The following EIF4A1 variants were observed in gnomAD, a reference collection of about 807,000 sequenced individuals.
EIF4A1 encodes the protein eukaryotic translation initiation factor 4A1.
In EIF4A1, 11 loss-of-function variants were observed where a neutral mutation model predicts 53.5. The observed-to-expected ratio is 0.21, with a 90% CI of 0.13 to 0.34. EIF4A1 has a LOEUF of 0.34. Ranked by LOEUF, EIF4A1 falls within the 10% of genes least tolerant of loss-of-function variation. The pLI is 1.00. For missense variants in EIF4A1, 213 were observed against 530.8 expected (o/e 0.40, Z 5.88); for synonymous variants, 237 against 186.7 (o/e 1.27, Z -2.20).
At chr17:7,573,479 G>T (rs996282027) in intron 1 of EIF4A1, 3 of 155,020 alleles carry the variant, frequency 1.9e-5, no homozygotes, top group Non-Finnish European at 4.3e-5. Context: ...CCATTTTGCC[G>T]CACAAGCCGG....
chr17:7,574,451 T>G, intron 2 of EIF4A1, 95 bp from the exon 3 acceptor site: 1 of 1,601,526 alleles, frequency 6.2e-7, no homozygotes, highest in Non-Finnish European at 8.5e-7. Context: ...GCTCTGAGGC[T>G]TTTGTTAGTA....
chr17:7,573,949 G>T, intron 1 of EIF4A1: 1 of 386,278 alleles, frequency 2.6e-6, no homozygotes, highest in East Asian at 4.8e-5. Flanking sequence ...GCTGGGTCGG[G>T]CCCACGTGGA....
At chr17:7,574,356 G>C (rs748162531) in intron 2 of EIF4A1, 48 bp downstream of exon 2, 15 of 1,613,714 alleles carry the variant, frequency 9.3e-6, no homozygotes, top group Non-Finnish European at 1.1e-5. Flanking sequence ...ACAACTTTCA[G>C]CCGTATAGAG....
At chr17:7,574,178 C>T in intron 1 of EIF4A1, 82 bp from the exon 2 acceptor site, 4 of 1,534,816 alleles carry the variant, frequency 2.6e-6, no homozygotes, top group Admixed American at 3.4e-5. Flanking sequence ...ATCATGCAGG[C>T]CACTCCTGAC....
rs1470564936 is a variant in EIF4A1, at chr17:7,574,245, G to T, written c.24-15G>T. 9.9e-6 allele frequency: 16 copies of T among 1,614,006 alleles called. No homozygotes were observed. In the Admixed American group the frequency reaches 2.0e-4, roughly 20 times the overall value. ...CGGTCGGGCAGGGGACAAAACTTATGCTTTAAACCAACAGATCCAGAGACA... is the reference window on the plus strand; with the variant it reads ...CGGTCGGGCAGGGGACAAAACTTATTCTTTAAACCAACAGATCCAGAGACA... On this transcript the variant is annotated splice_polypyrimidine_tract_variant and intron_variant, in intron 1 of 10. Transcript: ENST00000293831.
intron 1 of EIF4A1, chr17:7,573,105 C>A: frequency 1.6e-6 from 1 of 634,256 alleles, no homozygotes; most frequent in Non-Finnish European, 2.7e-6. Context: ...GAGGCCTCGA[C>A]CCGAGGCGGT....
chr17:7,576,349 T>C (rs963891022), intron 4 of EIF4A1, among the ~76,000 whole-genome samples, 175 bp from the exon 5 acceptor site: 2 of 152,260 alleles, frequency 1.3e-5, no homozygotes, highest in African/African-American at 2.4e-5. Flanking sequence ...TGCCACCTAT[T>C]GACAGCACGA....
In EIF4A1 at chr17:7,577,821, T is replaced by C; in HGVS notation, c.907-6T>C. ...TGGTCTGCTGCATATTTGTTTTCTC[T>C]TCCAGCATGGAGATATGGACCAAAA... On this transcript the variant is annotated splice_polypyrimidine_tract_variant and splice_region_variant and intron_variant, in intron 8 of 10. Transcript: ENST00000293831. The surrounding 1 kb of genome is among the most constrained non-coding windows in gnomAD (Gnocchi z 4.7). 1 of 1,614,192 alleles carries C rather than the reference T, an allele frequency of 6.2e-7. No homozygotes were observed. Among genetic ancestry groups the C allele is most frequent in the East Asian group, 2.2e-5 (1 of 44,888 alleles).
At chr17:7,574,983 G>C in intron 3 of EIF4A1, 136 bp from the exon 4 acceptor site, 1 of 1,252,746 alleles carries the variant, frequency 8.0e-7, no homozygotes, top group South Asian at 1.3e-5. Context: ...TTGTGTAACT[G>C]TGTTGATTGG....
Position 7,577,936 on chromosome 17 carries a change from AG to A in EIF4A1, c.996+21del, listed in dbSNP as rs778046128. The A allele has an allele frequency of 1.9e-6, 3 of 1,614,086 alleles. No homozygotes were observed. In the South Asian group the frequency reaches 3.3e-5, roughly 18 times the overall value. On this transcript the variant is annotated intron_variant, in intron 9 of 10. Coordinates refer to ENST00000293831, the MANE Select transcript of EIF4A1 (RefSeq NM_001416.4). This position sits in a 1 kb window ranked among gnomAD's most constrained non-coding sequence, Gnocchi z 4.7. The stretch of plus-strand genomic sequence containing the variant: ...CTGCTGGTGAGTAGAGGGAACTGAT[AG>A]CAAAGGCAGAAGGGAGGATCCAAGG...
Position 7,577,727 on chromosome 17 carries a change from C to T in EIF4A1, c.906+21C>T, listed in dbSNP as rs1410897561. On this transcript the variant is annotated intron_variant, in intron 8 of 10. Transcript: ENST00000293831. The surrounding 1 kb of genome is among the most constrained non-coding windows in gnomAD (Gnocchi z 4.7). ...CCATGGTGTGTTTGCCCGCTGCCAG[C>T]CTGTTGTGGGTCTGCCCGTCAGAAG... 6.2e-7 allele frequency: 1 copy of T among 1,613,684 alleles called. No homozygotes were observed. Among genetic ancestry groups the T allele is most frequent in the Non-Finnish European group, 8.5e-7 (1 of 1,179,982 alleles).
At chr17:7,573,090 G>A (rs1190096530) in intron 1 of EIF4A1, 1 of 676,510 alleles carries the variant, frequency 1.5e-6, no homozygotes, top group Non-Finnish European at 2.5e-6. Flanking sequence ...TGCGAGGTCT[G>A]TTACGAGGCC....
At chr17:7,578,047 A>T in intron 9 of EIF4A1, 118 bp from the exon 10 acceptor site, 1 of 1,570,476 alleles carries the variant, frequency 6.4e-7, no homozygotes, top group Non-Finnish European at 8.8e-7. Context: ...GCCTTTGGGG[A>T]ACTGGGATGC....
chr17:7,573,004 C>T, intron 1 of EIF4A1, 140 bp downstream of exon 1: 1 of 1,495,882 alleles, frequency 6.7e-7, no homozygotes, highest in Non-Finnish European at 9.3e-7. Flanking sequence ...CTTGGAGGGG[C>T]GAGGGGGAAG....
intron 4 of EIF4A1, chr17:7,575,561 A>T (rs1217425159): frequency 2.1e-6 from 1 of 474,186 alleles, no homozygotes; most frequent in Non-Finnish European, 3.9e-6. Flanking sequence ...TGTGGGGGTG[A>T]TCTTACAGTA....
At chr17:7,576,798 T>G (rs904564281) in intron 5 of EIF4A1, 106 bp downstream of exon 5, 2 of 1,541,618 alleles carry the variant, frequency 1.3e-6, no homozygotes, top group Admixed American at 3.8e-5. Context: ...GGTTTCTCTC[T>G]GGGGGAAGAG....
intron 3 of EIF4A1, 62 bp from the exon 4 acceptor site, chr17:7,575,057 G>T: frequency 1.3e-6 from 2 of 1,597,962 alleles, no homozygotes; most frequent in Non-Finnish European, 8.5e-7. Flanking sequence ...CATTAACCTA[G>T]GACTTGAATA....
At position 7,578,413 on chromosome 17, in the gene EIF4A1, C is replaced by T; in HGVS notation, c.1148C>T (p.Thr383Ile). 1.9e-6 allele frequency: 3 copies of T among 1,613,910 alleles called. No homozygotes were observed. Among genetic ancestry groups the T allele is most frequent in the South Asian group, 1.1e-5 (1 of 91,068 alleles). Residue 383 changes from threonine to isoleucine, a missense_variant, in exon 11 of 11, where the codon ACT becomes ATT. By Grantham distance (89) the Thr-to-Ile change is moderately conservative. Around this residue, in one of 4 missense-constraint regions of EIF4A1, gnomAD observed 28 missense variants for 42.5 expected, o/e 0.66. Transcript: ENST00000293831. ...INMVTEEDKR[T>I]LRDIETFYNT... The stretch of plus-strand genomic sequence containing the variant: ...ATGGTGACAGAAGAAGACAAGAGGA[C>T]TCTTCGAGACATTGAGACCTTCTAC...
intron 3 of EIF4A1, 23 bp from the exon 4 acceptor site, chr17:7,575,095 TC>T: frequency 1.2e-6 from 2 of 1,611,136 alleles, no homozygotes; most frequent in African/African-American, 2.7e-5. Context: ...TTTACCACAT[TC>T]AACTCCTAAT....
Sources: allele counts gnomAD v4.1 joint callset (sites outside exome capture counted in the v4.1 genomes callset), GRCh38; gene constraint gnomAD v4.1.1; regional missense constraint gnomAD v4.1.1; non-coding constraint Gnocchi (gnomAD v3.1); transcripts MANE v1.5; gene names NCBI Gene and HGNC (gene_info 2026-07-23, HGNC 2026-07-21).